ADORA2B: variants seen among roughly 807,000 people sequenced by gnomAD.
ADORA2B encodes adenosine A2b receptor, also known as adenosine receptor A2b.
In ADORA2B, 18 loss-of-function variants were observed where a neutral mutation model predicts 20.8. The ratio of observed to expected loss-of-function variants is 0.87; its 90% CI spans 0.60 to 1.29. ADORA2B has a LOEUF of 1.29. ADORA2B is among the 50% of genes most tolerant of loss of function. The probability of loss-of-function intolerance (pLI) is 0.00; values close to 1 mark genes in which losing one functional copy is unlikely to be tolerated. For missense variants in ADORA2B, 441 were observed against 422.7 expected (o/e 1.04, Z -0.38); for synonymous variants, 179 against 178.3 (o/e 1.00, Z -0.03).
chr17:15,956,000 G>A (rs1319988473), intron 1 of ADORA2B, among the ~76,000 whole-genome samples: 1 of 152,076 alleles, frequency 6.6e-6, no homozygotes, highest in African/African-American at 2.4e-5. Flanking sequence ...GATTACAGGC[G>A]TGAGCCACGC....
upstream of ADORA2B, among the ~76,000 whole-genome samples, chr17:15,943,775 C>CA (rs1238058687): frequency 1.3e-5 from 2 of 152,176 alleles, no homozygotes; most frequent in Non-Finnish European, 2.9e-5. Context: ...AAATCCTTTA[C>CA]AAAATCCTTT....
chr17:15,966,970 C>T (rs1255266508), intron 1 of ADORA2B, among the ~76,000 whole-genome samples: 2 of 152,186 alleles, frequency 1.3e-5, no homozygotes, highest in East Asian at 3.9e-4. Context: ...AAGGACGTGG[C>T]CCATGCCCTT....
chr17:15,905,181 T>A, the ADORA2B span, among the ~76,000 whole-genome samples: 5 of 152,216 alleles, frequency 3.3e-5, no homozygotes, highest in Admixed American at 1.3e-4. Flanking sequence ...TATATCTTCT[T>A]ATATTTAGAT....
At chr17:15,866,861 T>G in the ADORA2B span, among the ~76,000 whole-genome samples, 3 of 152,222 alleles carry the variant, frequency 2.0e-5, no homozygotes, top group African/African-American at 7.2e-5. Context: ...ACTGCTGCCA[T>G]CTCAGCTCAC....
At chr17:15,909,459 G>A in the ADORA2B span, among the ~76,000 whole-genome samples, 4 of 152,140 alleles carry the variant, frequency 2.6e-5, no homozygotes, top group Non-Finnish European at 2.9e-5. Context: ...ATAATGCAAG[G>A]GAGGCCCTGG....
the ADORA2B span, among the ~76,000 whole-genome samples, chr17:15,867,583 C>T: frequency 6.8e-6 from 1 of 147,900 alleles, no homozygotes; most frequent in Non-Finnish European, 1.5e-5. Flanking sequence ...CGGGGGTCAG[C>T]CCCCCGCCCG....
intron 1 of ADORA2B, among the ~76,000 whole-genome samples, chr17:15,970,412 G>A (rs116848446): frequency 0.012 from 1,869 of 152,288 alleles, 25 homozygotes; most frequent in Non-Finnish European, 0.02. Flanking sequence ...GACTCCAGTT[G>A]TTGTTCTGAA....
At chr17:15,955,940 G>A (rs1054078017) in intron 1 of ADORA2B, among the ~76,000 whole-genome samples, 2 of 151,886 alleles carry the variant, frequency 1.3e-5, no homozygotes, top group African/African-American at 2.4e-5. Context: ...GGCTGGTGTC[G>A]AACTCCTGAC....
At chr17:15,895,241 A>G in the ADORA2B span, among the ~76,000 whole-genome samples, 17 of 152,352 alleles carry the variant, frequency 1.1e-4, no homozygotes, top group African/African-American at 3.6e-4. Context: ...GGAAACATCT[A>G]AAATAATGTT....
the ADORA2B span, among the ~76,000 whole-genome samples, chr17:15,904,591 T>C: frequency 6.6e-6 from 1 of 151,630 alleles, no homozygotes; most frequent in Admixed American, 6.6e-5. Context: ...TTCACCTTGT[T>C]AGCCAGGATC....
chr17:15,909,354 A>G, the ADORA2B span, among the ~76,000 whole-genome samples: 1 of 152,206 alleles, frequency 6.6e-6, no homozygotes, highest in African/African-American at 2.4e-5. Flanking sequence ...GAAATATGAG[A>G]ATTCTAGGTA....
the ADORA2B span, among the ~76,000 whole-genome samples, chr17:15,872,306 G>A: frequency 7.2e-5 from 11 of 152,296 alleles, no homozygotes; most frequent in East Asian, 1.9e-4. Flanking sequence ...GTACCATGCC[G>A]TTTTGGTAAC....
chr17:15,939,859 C>CAAAAAAAAA, the ADORA2B span, among the ~76,000 whole-genome samples: 1 of 53,366 alleles, frequency 1.9e-5, no homozygotes, highest in Admixed American at 2.1e-4. Context: ...GACTCTGTCT[C>CAAAAAAAAA]AAAAAAAAAA....
At chr17:15,945,649 A>T in intron 1 of ADORA2B, 66 bp downstream of exon 1, 1 of 1,382,778 alleles carries the variant, frequency 7.2e-7, no homozygotes, top group Non-Finnish European at 9.5e-7. Flanking sequence ...CGTCTTCTCC[A>T]GGCCGGGGTT....
the ADORA2B span, among the ~76,000 whole-genome samples, chr17:15,868,369 T>TA: frequency 7.6e-4 from 99 of 129,732 alleles, 16 homozygotes; most frequent in East Asian, 3.0e-3. Flanking sequence ...AATGATCAAT[T>TA]AAAAAAAAAA....
chr17:15,912,990 G>A, the ADORA2B span, among the ~76,000 whole-genome samples: 4 of 152,214 alleles, frequency 2.6e-5, no homozygotes. Context: ...TTCGTCAGAT[G>A]GTGATGGAGA....
At chr17:15,917,799 C>T in the ADORA2B span, among the ~76,000 whole-genome samples, 10 of 152,326 alleles carry the variant, frequency 6.6e-5, no homozygotes, top group East Asian at 1.7e-3. Flanking sequence ...GGCAGGGGCG[C>T]GCAGTCACCG....
the ADORA2B span, among the ~76,000 whole-genome samples, chr17:15,924,175 A>G: frequency 6.6e-6 from 1 of 152,202 alleles, no homozygotes; most frequent in Non-Finnish European, 1.5e-5. Flanking sequence ...GGCCTCCCAA[A>G]GTGCTGGGAT....
At chr17:15,969,432 G>A (rs531879795) in intron 1 of ADORA2B, among the ~76,000 whole-genome samples, 4 of 152,218 alleles carry the variant, frequency 2.6e-5, no homozygotes, top group Admixed American at 2.6e-4. Flanking sequence ...CAGCCCTGGC[G>A]ACAGTGTGAG....
Sources: gnomAD v4.1 joint callset for allele counts (sites outside exome capture counted in the v4.1 genomes callset) on GRCh38, gnomAD v4.1.1 for gene constraint, MANE v1.5 for transcripts, NCBI Gene and HGNC (gene_info 2026-07-23, HGNC 2026-07-21) for gene names.